The following TENM4 variants were observed in gnomAD, a reference collection of about 807,000 sequenced individuals.
TENM4 encodes teneurin-4.
A neutral mutation model predicts 243.3 loss-of-function variants in TENM4; 82 were observed. That is an observed-to-expected ratio of 0.34 (90% CI 0.28 to 0.40). The LOEUF is 0.40. TENM4 is among the 10% of genes least tolerant of loss of function. The probability of loss-of-function intolerance (pLI) is 1.00; values close to 1 mark genes in which losing one functional copy is unlikely to be tolerated. For synonymous variants in TENM4, 1,412 were observed against 1,456.3 expected (o/e 0.97, Z 0.69); for missense variants, 3,138 against 3,673.3 (o/e 0.85, Z 3.77).
intron 2 of TENM4, among the ~76,000 whole-genome samples, chr11:79,285,645 ATG>A (rs200413911): frequency 1.2e-4 from 18 of 149,280 alleles, no homozygotes; most frequent in African/African-American, 1.5e-4. Flanking sequence ...AAAATGTGGT[ATG>A]TGTGTGTGTG....
chr11:78,687,919 G>A, intron 29 of TENM4, 135 bp downstream of exon 29: 3 of 1,025,662 alleles, frequency 2.9e-6, no homozygotes, highest in Non-Finnish European at 4.2e-6. Flanking sequence ...TGCAAATTAG[G>A]TGATAATACA....
intron 6 of TENM4, among the ~76,000 whole-genome samples, chr11:79,053,236 G>T (rs1859847481): frequency 6.6e-6 from 1 of 152,144 alleles, no homozygotes; most frequent in Non-Finnish European, 1.5e-5. Context: ...TAGTTATTCA[G>T]GGCAAATGCA....
chr11:79,235,742 C>T lies in TENM4; in HGVS notation c.-264-19833G>A, dbSNP rs1261541628. On this transcript the variant is annotated intron_variant, in intron 2 of 33. Coordinates refer to ENST00000278550, the MANE Select transcript of TENM4 (RefSeq NM_001098816.3). ...ATTTTGAGCTCTTCAGGTTCAAAAA[C>T]TGATCACTGGTCTGTGGCTCTATGG... is the stretch of plus-strand genomic sequence containing the variant. Among the ~76,000 whole-genome samples the T allele has an allele frequency of 2.6e-5, 4 of 152,284 alleles. No homozygotes were observed. In the East Asian group the frequency reaches 7.7e-4, roughly 29 times the overall value.
In TENM4 at chr11:78,781,763, C is replaced by T. The variant is rs577170287; in HGVS notation, c.2366-3135G>A. ...CAGGTGATGGGTTGGCGGTTCTAGT[C>T]ATCTGAACTTCTTTCGGATGGGTGA... On this transcript the variant is annotated intron_variant, in intron 16 of 33. Coordinates refer to ENST00000278550, the MANE Select transcript of TENM4 (RefSeq NM_001098816.3). Among the ~76,000 whole-genome samples the T allele has an allele frequency of 2.0e-5, 3 of 152,272 alleles. No homozygotes were observed. The South Asian group carries it at 6.2e-4, about 32-fold the overall frequency.
chr11:78,893,406 G>A (rs545086931), intron 7 of TENM4, among the ~76,000 whole-genome samples: 85 of 152,312 alleles, frequency 5.6e-4, no homozygotes, highest in African/African-American at 1.8e-3. Context: ...AAAACCCAAA[G>A]TGTAATTTGG....
At chr11:79,272,361 GACA>G (rs953810650) in intron 2 of TENM4, among the ~76,000 whole-genome samples, 6 of 152,054 alleles carry the variant, frequency 3.9e-5, no homozygotes, top group African/African-American at 1.4e-4. Flanking sequence ...AGAAAAAAAT[GACA>G]ACAATTTTAA....
chr11:78,664,378 G>T (rs1565320423), intron 32 of TENM4, among the ~76,000 whole-genome samples: 1 of 152,050 alleles, frequency 6.6e-6, no homozygotes, highest in Non-Finnish European at 1.5e-5. Context: ...CAGGACCACA[G>T]GCGTGCCATC....
chr11:78,909,013 C>CCTACTGG (rs1483058538), intron 6 of TENM4, among the ~76,000 whole-genome samples: 1 of 152,222 alleles, frequency 6.6e-6, no homozygotes, highest in East Asian at 1.9e-4. Flanking sequence ...AATTCTGTCT[C>CCTACTGG]CTACTGGCTA....
At chr11:78,676,562 T>A (rs1449817683) in intron 29 of TENM4, among the ~76,000 whole-genome samples, 175 bp from the exon 30 acceptor site, 1 of 152,246 alleles carries the variant, frequency 6.6e-6, no homozygotes, top group Non-Finnish European at 1.5e-5. Context: ...AGATTCTCCA[T>A]ATCCAAAGAA....
In TENM4 at chr11:79,409,964, T is replaced by C. The variant is rs552966769; in HGVS notation, c.-321+30545A>G. On this transcript the variant is annotated intron_variant, in intron 1 of 33. Coordinates refer to ENST00000278550, the MANE Select transcript of TENM4 (RefSeq NM_001098816.3). ...TCTGTTTACAGGGGTATCCAATCTT[T>C]TGGCTTCCTTGAGCCACACTGGAAG... 2.0e-5 allele frequency among the ~76,000 whole-genome samples: 3 copies of C among 152,286 alleles called. No homozygotes were observed. In the South Asian group the frequency reaches 6.2e-4, roughly 32 times the overall value.
At chr11:79,034,460 T>C (rs114671878) in intron 6 of TENM4, among the ~76,000 whole-genome samples, 2 of 152,224 alleles carry the variant, frequency 1.3e-5, no homozygotes, top group African/African-American at 2.4e-5. Flanking sequence ...ACGCTGGAGA[T>C]CCTGCTCTTG....
intron 2 of TENM4, among the ~76,000 whole-genome samples, chr11:79,251,803 C>A (rs192939334): frequency 2.1e-5 from 3 of 139,904 alleles, no homozygotes; most frequent in Non-Finnish European, 3.0e-5. Flanking sequence ...AAATAAAACT[C>A]GAAAAAATGA....
At chr11:79,310,821 C>T (rs1168113545) in intron 1 of TENM4, among the ~76,000 whole-genome samples, 1 of 152,174 alleles carries the variant, frequency 6.6e-6, no homozygotes, top group East Asian at 1.9e-4. Flanking sequence ...TGGGGGATGG[C>T]TGATGCTTTC....
At chr11:78,804,825 G>A (rs1428104579) in intron 15 of TENM4, among the ~76,000 whole-genome samples, 1 of 152,156 alleles carries the variant, frequency 6.6e-6, no homozygotes, top group Non-Finnish European at 1.5e-5. Context: ...AAGGGCAGGT[G>A]GGGGCCAGAT....
At chr11:78,983,905 A>G (rs1857862256) in intron 6 of TENM4, among the ~76,000 whole-genome samples, 1 of 152,308 alleles carries the variant, frequency 6.6e-6, no homozygotes, top group Admixed American at 6.5e-5. Context: ...TAACCCAAAC[A>G]GGACTTCATT....
intron 33 of TENM4, among the ~76,000 whole-genome samples, chr11:78,659,398 C>G (rs1857977265): frequency 6.6e-6 from 1 of 152,156 alleles, no homozygotes; most frequent in African/African-American, 2.4e-5. Flanking sequence ...CCTGCAAGCC[C>G]AGGTCTGTCC....
chr11:79,434,026 TC>T lies in TENM4; in HGVS notation c.-321+6482del, dbSNP rs1394361105. Among the ~76,000 whole-genome samples the T allele has an allele frequency of 2.6e-5, 4 of 152,180 alleles. No homozygotes were observed. The East Asian group carries it at 5.8e-4, about 22-fold the overall frequency. ...ACCTTGGAAATGGGAGGACTGGACT[TC>T]CCCCACTGGTTCCACTGAATTCTTT... On this transcript the variant is annotated intron_variant, in intron 1 of 33. Transcript: ENST00000278550.
intron 19 of TENM4, among the ~76,000 whole-genome samples, chr11:78,743,051 T>G (rs767151569): frequency 2.0e-5 from 3 of 152,166 alleles, no homozygotes; most frequent in Non-Finnish European, 2.9e-5. Context: ...GTTTAAGAAT[T>G]TATAACTGTT....
chr11:78,870,741 C>T (rs763487357), intron 9 of TENM4, among the ~76,000 whole-genome samples: 11 of 152,062 alleles, frequency 7.2e-5, no homozygotes, highest in African/African-American at 2.4e-5. Context: ...GAGTTGGTCC[C>T]GAGCCAGAGG....
Sources: allele counts gnomAD v4.1 joint callset (sites outside exome capture counted in the v4.1 genomes callset), GRCh38; gene constraint gnomAD v4.1.1; transcripts MANE v1.5; gene names NCBI Gene and HGNC (gene_info 2026-07-23, HGNC 2026-07-21).